TBXAS1: variants seen among roughly 807,000 people sequenced by gnomAD.
TBXAS1 encodes the protein thromboxane A synthase 1.
In TBXAS1, 48 loss-of-function variants were observed where a neutral mutation model predicts 60.7. The observed-to-expected ratio is 0.79, with a 90% CI of 0.63 to 1.01. The LOEUF (loss-of-function observed/expected upper bound fraction) is 1.01, where lower values mean the gene tolerates loss of function less well. Ranked by LOEUF, TBXAS1 falls within the 50% of genes least tolerant of loss-of-function variation. TBXAS1 has a pLI of 0.00. For missense variants in TBXAS1, 685 were observed against 686.3 expected, an observed-to-expected ratio of 1.00 and a Z score of 0.02; for synonymous variants, 287 against 269.7, an observed-to-expected ratio of 1.06 and a Z score of -0.63.
intron 1 of TBXAS1, among the ~76,000 whole-genome samples, chr7:139,851,506 C>T (rs1569500960): frequency 6.6e-6 from 1 of 152,168 alleles, no homozygotes; most frequent in Non-Finnish European, 1.5e-5. Context: ...TTTATCCACC[C>T]CAGGGTGAAG....
At chr7:139,786,636 C>G (rs1030386775) in intron 3 of TBXAS1, among the ~76,000 whole-genome samples, 3 of 152,140 alleles carry the variant, frequency 2.0e-5, no homozygotes, top group Non-Finnish European at 4.4e-5. Context: ...ATCTCTGGTG[C>G]CTTCTTCCTC....
chr7:139,902,152 A>G (rs1341092649), intron 3 of TBXAS1, among the ~76,000 whole-genome samples: 1 of 150,378 alleles, frequency 6.6e-6, no homozygotes, highest in Non-Finnish European at 1.5e-5. Context: ...GTGTGTGTGT[A>G]GTTCTATGCA....
intron 1 of TBXAS1, among the ~76,000 whole-genome samples, chr7:139,834,083 T>G (rs1356218137): frequency 6.6e-6 from 1 of 152,148 alleles, no homozygotes; most frequent in Non-Finnish European, 1.5e-5. Flanking sequence ...TCAATAAATT[T>G]AAGAAAATTG....
chr7:139,923,567 CA>C (rs1309654934), intron 4 of TBXAS1, among the ~76,000 whole-genome samples: 1 of 151,826 alleles, frequency 6.6e-6, no homozygotes, highest in Non-Finnish European at 1.5e-5. Flanking sequence ...ATAATCACAT[CA>C]GGGTAAATGG....
chr7:139,815,649 CCTGCAGAAA>C (rs1798127887), intron 4 of TBXAS1, among the ~76,000 whole-genome samples: 1 of 152,180 alleles, frequency 6.6e-6, no homozygotes, highest in South Asian at 2.1e-4. Context: ...CTTCTCAGTT[CCTGCAGAAA>C]CTTGAAGAAT....
At position 139,951,776 on chromosome 7, in the gene TBXAS1, A is replaced by AC. The variant is rs1343657408; in HGVS notation, c.451-1592_451-1591insC. Reference sequence around the variant, plus strand: ...CAACAAAGCAAGACTCTGTCTAAAAAAAAAAAAAAAGAAAGAAAGAAAGAA... The same window carrying AC: ...CAACAAAGCAAGACTCTGTCTAAAAACAAAAAAAAAAGAAAGAAAGAAAGAA... On this transcript the variant is annotated intron_variant, in intron 5 of 12. Coordinates refer to ENST00000448866, the MANE Select transcript of TBXAS1 (RefSeq NM_001061.7). Among the ~76,000 whole-genome samples, 4 of 67,822 alleles carry AC rather than the reference A, an allele frequency of 5.9e-5. 1 individual carries two copies. In the South Asian group the frequency reaches 1.4e-3, roughly 24 times the overall value. The allele number at this position is 67,822 out of a possible 152,430, so 44.5% of individuals were successfully genotyped here. A position where few individuals can be genotyped will look rare whatever the true frequency, so the allele number is the denominator to read the frequency against.
At position 140,015,779 on chromosome 7, in the gene TBXAS1, G is replaced by A; in HGVS notation, c.1283G>A (p.Gly428Asp). Reference protein sequence around the residue: ...CEVLGQRIPAGAVLEMAVGAL... With the variant: ...CEVLGQRIPADAVLEMAVGAL... ...GTGCTGGGGCAGCGCATCCCCGCAG[G>A]CGCTGTGCTAGAGATGGCCGTGGGT... is the stretch of plus-strand genomic sequence containing the variant. Residue 428 changes from glycine (G) to aspartate (D), a missense_variant, in exon 11 of 13, where the codon GGC becomes GAC. Physicochemically the swap from Gly to Asp is moderately conservative, Grantham distance 94. Transcript: ENST00000448866. 4.3e-6 allele frequency: 7 copies of A among 1,613,666 alleles called. No homozygotes were observed. The highest frequency in any genetic ancestry group is 5.9e-6 in the Non-Finnish European group (7 of 1,180,036).
At chr7:139,874,130 C>G (rs1013390222) in intron 2 of TBXAS1, among the ~76,000 whole-genome samples, 1 of 152,116 alleles carries the variant, frequency 6.6e-6, no homozygotes, top group African/African-American at 2.4e-5. Flanking sequence ...CTCCTCTCAT[C>G]TCTCTCTCTG....
At chr7:139,989,462 G>C (rs376833613) in intron 9 of TBXAS1, among the ~76,000 whole-genome samples, 6 of 152,300 alleles carry the variant, frequency 3.9e-5, no homozygotes, top group African/African-American at 1.4e-4. Context: ...CGTGAGCGTG[G>C]CTGCAGAGCT....
chr7:139,928,438 T>A (rs1311663800), intron 4 of TBXAS1, among the ~76,000 whole-genome samples: 1 of 152,236 alleles, frequency 6.6e-6, no homozygotes, highest in Non-Finnish European at 1.5e-5. Flanking sequence ...TTCTTTCTTG[T>A]AAGTCTTTAT....
chr7:140,014,227 T>C (rs894465263), intron 10 of TBXAS1, among the ~76,000 whole-genome samples: 5 of 152,226 alleles, frequency 3.3e-5, no homozygotes, highest in African/African-American at 9.6e-5. Flanking sequence ...GTGATGAATC[T>C]GCAGACGGGG....
intron 9 of TBXAS1, among the ~76,000 whole-genome samples, chr7:139,993,966 C>A (rs1162354879): frequency 6.7e-6 from 1 of 148,960 alleles, no homozygotes; most frequent in South Asian, 2.1e-4. Context: ...TTACTGCAGC[C>A]TTTGCCTCCC....
At chr7:139,941,229 G>T (rs1406610120) in intron 5 of TBXAS1, among the ~76,000 whole-genome samples, 1 of 152,142 alleles carries the variant, frequency 6.6e-6, no homozygotes, top group Non-Finnish European at 1.5e-5. Flanking sequence ...GTTTCCCCTT[G>T]GAATTCTGAG....
chr7:140,016,776 G>A (rs137874003), intron 11 of TBXAS1: 1 of 152,906 alleles, frequency 6.5e-6, no homozygotes, highest in Non-Finnish European at 1.5e-5. Context: ...TCTGGCAAGG[G>A]AAGGGCTGGC....
chr7:139,884,773 G>T (rs1165042215), intron 3 of TBXAS1, among the ~76,000 whole-genome samples: 1 of 152,202 alleles, frequency 6.6e-6, no homozygotes, highest in Non-Finnish European at 1.5e-5. Context: ...GGGTGGTTCA[G>T]GAACCTGAGA....
chr7:139,990,928 T>C (rs1207422314), intron 9 of TBXAS1, among the ~76,000 whole-genome samples: 1 of 152,078 alleles, frequency 6.6e-6, no homozygotes. Flanking sequence ...CTCCCGACGG[T>C]GCAGGCACGG....
intron 1 of TBXAS1, among the ~76,000 whole-genome samples, chr7:139,833,325 A>T (rs1257132017): frequency 6.6e-6 from 1 of 152,134 alleles, no homozygotes; most frequent in African/African-American, 2.4e-5. Flanking sequence ...ACCAAAAGCG[A>T]GTAGAGCAAC....
At chr7:139,984,679 GAAGAAGAAAGA>G (rs1208659033) in intron 9 of TBXAS1, among the ~76,000 whole-genome samples, 9 of 88,720 alleles carry the variant, frequency 1.0e-4, no homozygotes, top group South Asian at 3.8e-4. Flanking sequence ...AAGAAGAAAA[GAAGAAGAAAGA>G]AAGAAGAAAG....
chr7:139,800,168 CCG>C, intron 4 of TBXAS1, among the ~76,000 whole-genome samples: 1 of 152,072 alleles, frequency 6.6e-6, no homozygotes, highest in Admixed American at 6.6e-5. Flanking sequence ...CCCTCTGGCC[CCG>C]TCAATCCATT....
Sources: allele counts gnomAD v4.1 joint callset (sites outside exome capture counted in the v4.1 genomes callset), GRCh38; gene constraint gnomAD v4.1.1; transcripts MANE v1.5; gene names NCBI Gene and HGNC (gene_info 2026-07-23, HGNC 2026-07-21).